Variants in CADM2 observed in about 807,000 individuals in gnomAD.
CADM2 encodes the protein immunoglobulin superfamily member 4D.
CADM2 carries 12 observed loss-of-function variants against 49.8 expected under a neutral mutation model. That is an observed-to-expected ratio of 0.24 (90% confidence interval 0.15 to 0.39). CADM2 has a LOEUF of 0.39. Ranked by LOEUF, CADM2 falls within the 10% of genes least tolerant of loss-of-function variation. The pLI, the probability that CADM2 is intolerant of heterozygous loss-of-function variation, is 1.00. For synonymous variants in CADM2, 214 were observed against 175.4 expected, an observed-to-expected ratio of 1.22 and a Z score of -1.74; for missense variants, 378 against 492.3, an observed-to-expected ratio of 0.77 and a Z score of 2.20.
At chr3:86,064,063 T>G (rs1739024700) in intron 8 of CADM2, among the ~76,000 whole-genome samples, 1 of 151,806 alleles carries the variant, frequency 6.6e-6, no homozygotes, top group African/African-American at 2.4e-5. Flanking sequence ...ATATATACAT[T>G]TTTTTATTAT....
chr3:85,088,685 C>T (rs1290686149), intron 1 of CADM2, among the ~76,000 whole-genome samples: 1 of 151,974 alleles, frequency 6.6e-6, no homozygotes, highest in Non-Finnish European at 1.5e-5. Flanking sequence ...TTGTCATAAT[C>T]AAATTACATT....
chr3:85,311,774 CA>C (rs1482868532), intron 1 of CADM2, among the ~76,000 whole-genome samples: 1 of 152,118 alleles, frequency 6.6e-6, no homozygotes, highest in East Asian at 1.9e-4. Context: ...TCACAAATCT[CA>C]CAACAAAACA....
intron 1 of CADM2, among the ~76,000 whole-genome samples, chr3:85,657,932 C>T (rs757314685): frequency 3.3e-5 from 5 of 151,634 alleles, no homozygotes; most frequent in African/African-American, 9.7e-5. Context: ...AATTGGAAGA[C>T]GAGATTGAAC....
At chr3:85,772,977 A>G (rs1254161167) in intron 2 of CADM2, among the ~76,000 whole-genome samples, 1 of 151,528 alleles carries the variant, frequency 6.6e-6, no homozygotes, top group Non-Finnish European at 1.5e-5. Context: ...CCTGTGATAA[A>G]TATATTAGTT....
intron 1 of CADM2, among the ~76,000 whole-genome samples, chr3:84,963,469 A>G (rs1225653330): frequency 6.6e-6 from 1 of 152,226 alleles, no homozygotes; most frequent in Non-Finnish European, 1.5e-5. Flanking sequence ...ATACATGCAT[A>G]CAAGACCTCA....
intron 1 of CADM2, among the ~76,000 whole-genome samples, chr3:85,076,000 A>G (rs1489745830): frequency 6.6e-6 from 1 of 152,044 alleles, no homozygotes; most frequent in Non-Finnish European, 1.5e-5. Context: ...ATATTGTTCA[A>G]TTAGTGTTCA....
At chr3:85,179,646 A>C (rs1393600855) in intron 1 of CADM2, among the ~76,000 whole-genome samples, 1 of 152,054 alleles carries the variant, frequency 6.6e-6, no homozygotes, top group African/African-American at 2.4e-5. Flanking sequence ...CAGGATGAGG[A>C]AGTATCTATT....
At chr3:85,805,890 C>T (rs530838449) in intron 3 of CADM2, among the ~76,000 whole-genome samples, 114 of 152,326 alleles carry the variant, frequency 7.5e-4, no homozygotes, top group Middle Eastern at 3.4e-3. Flanking sequence ...ACTGTTAAAG[C>T]TTCATCTATA....
At chr3:85,103,752 G>T (rs147236931) in intron 1 of CADM2, among the ~76,000 whole-genome samples, 1 of 152,226 alleles carries the variant, frequency 6.6e-6, no homozygotes, top group African/African-American at 2.4e-5. Flanking sequence ...AAGCACATAC[G>T]AAACAATATT....
At position 85,167,047 on chromosome 3, in the gene CADM2, A is replaced by G. The variant is rs183970157; in HGVS notation, c.61+207379A>G. On this transcript the variant is annotated intron_variant, in intron 1 of 9. Transcript: ENST00000383699. ...GTTTGTCCTAAGAAATAGAGATTGC[A>G]TGATAAAAAATATTTTTTTTCCTAA... Among the ~76,000 whole-genome samples, 262 of 152,220 alleles carry G rather than the reference A, an allele frequency of 1.7e-3. 1 individual carries two copies. The highest frequency in any genetic ancestry group is 5.9e-3 in the African/African-American group (247 of 41,574).
chr3:85,927,135 T>C (rs1719976529), intron 6 of CADM2, among the ~76,000 whole-genome samples: 1 of 152,218 alleles, frequency 6.6e-6, no homozygotes, highest in African/African-American at 2.4e-5. Context: ...ATTTACCAAG[T>C]ATTTGATTAA....
intron 1 of CADM2, among the ~76,000 whole-genome samples, chr3:85,367,665 G>C (rs1448405602): frequency 6.6e-6 from 1 of 151,938 alleles, no homozygotes; most frequent in Non-Finnish European, 1.5e-5. Flanking sequence ...TATTTCTAAA[G>C]TCAGCACCGT....
At chr3:85,699,219 G>T (rs1007409348) in intron 1 of CADM2, among the ~76,000 whole-genome samples, 3 of 152,144 alleles carry the variant, frequency 2.0e-5, no homozygotes, top group Admixed American at 1.3e-4. Context: ...TGCAGGGTTT[G>T]GCCTCCACAG....
intron 8 of CADM2, among the ~76,000 whole-genome samples, chr3:86,042,695 T>A (rs1216757402): frequency 6.6e-6 from 1 of 151,914 alleles, no homozygotes; most frequent in Non-Finnish European, 1.5e-5. Flanking sequence ...TTCCAATCAA[T>A]AGAAAAAGAG....
intron 1 of CADM2, among the ~76,000 whole-genome samples, chr3:85,257,057 A>G (rs2042902385): frequency 6.6e-6 from 1 of 152,132 alleles, no homozygotes; most frequent in Non-Finnish European, 1.5e-5. Flanking sequence ...TAATTACTTA[A>G]TCATATTTTA....
At chr3:85,031,442 G>A (rs1467245512) in intron 1 of CADM2, among the ~76,000 whole-genome samples, 1 of 152,114 alleles carries the variant, frequency 6.6e-6, no homozygotes, top group African/African-American at 2.4e-5. Context: ...CAGGTGTTCT[G>A]TCTAACTGTG....
chr3:85,465,435 C>T (rs1052945893), intron 1 of CADM2, among the ~76,000 whole-genome samples: 1 of 151,992 alleles, frequency 6.6e-6, no homozygotes, highest in African/African-American at 2.4e-5. Context: ...AAAAAGTCAA[C>T]GAACACATAT....
chr3:84,971,810 C>T (rs996120867), intron 1 of CADM2, among the ~76,000 whole-genome samples: 1 of 151,922 alleles, frequency 6.6e-6, no homozygotes, highest in African/African-American at 2.4e-5. Flanking sequence ...AAAGTAAATT[C>T]GATCAGGCAT....
chr3:85,685,862 G>A (rs1483538426), intron 1 of CADM2, among the ~76,000 whole-genome samples: 4 of 151,130 alleles, frequency 2.6e-5, no homozygotes, highest in Non-Finnish European at 5.9e-5. Context: ...CTGACCTCGT[G>A]ATCCGCCCAC....
Sources: gnomAD v4.1 joint callset for allele counts (sites outside exome capture counted in the v4.1 genomes callset) on GRCh38, gnomAD v4.1.1 for gene constraint, MANE v1.5 for transcripts, NCBI Gene and HGNC (gene_info 2026-07-23, HGNC 2026-07-21) for gene names.